NAALAD2: variants seen among roughly 807,000 people sequenced by gnomAD.
NAALAD2 encodes N-acetylated-alpha-linked acidic dipeptidase 2.
A neutral mutation model predicts 95.6 loss-of-function variants in NAALAD2; 89 were observed. The ratio of observed to expected loss-of-function variants is 0.93; its 90% CI spans 0.78 to 1.11. The LOEUF is 1.11. NAALAD2 is among the 50% of genes least tolerant of loss of function. The probability of loss-of-function intolerance (pLI) is 0.00; values close to 1 mark genes in which losing one functional copy is unlikely to be tolerated. For missense variants in NAALAD2, 894 were observed against 872.4 expected (o/e 1.02, Z -0.31); for synonymous variants, 264 against 294.4 (o/e 0.90, Z 1.06).
At chr11:90,174,000 C>G (rs1213368427) in intron 14 of NAALAD2, 85 bp downstream of exon 14, 3 of 917,776 alleles carry the variant, frequency 3.3e-6, no homozygotes, top group Non-Finnish European at 5.2e-6. Flanking sequence ...ATGAAATTCT[C>G]AAGCGTCTCA....
intron 5 of NAALAD2, among the ~76,000 whole-genome samples, chr11:90,151,879 G>A (rs939526894): frequency 6.6e-5 from 10 of 152,240 alleles, no homozygotes; most frequent in Non-Finnish European, 8.8e-5. Flanking sequence ...ACTCTATGAT[G>A]TGCGAGATTT....
chr11:90,178,367 T>C (rs1478872511), intron 16 of NAALAD2, among the ~76,000 whole-genome samples: 1 of 152,220 alleles, frequency 6.6e-6, no homozygotes, highest in Non-Finnish European at 1.5e-5. Flanking sequence ...TCTTGTATTA[T>C]GGCCTTTAAA....
chr11:90,150,492 T>C lies in NAALAD2; in HGVS notation c.494T>C (p.Val165Ala). The change falls in exon 5 of 19, where the codon GTA becomes GCA. Residue 165 changes from valine to alanine, a missense_variant. Transcript: ENST00000534061. Reference sequence around the variant, plus strand: ...TTCTTTTCCCTATAGGGAGATCTTGTATATGTGAACTATGCTCGCACTGAA... The same window carrying C: ...TTCTTTTCCCTATAGGGAGATCTTGCATATGTGAACTATGCTCGCACTGAA... ...SAQGMPEGDL[V>A]YVNYARTEDF... 1.9e-6 allele frequency: 3 copies of C among 1,604,320 alleles called. No individual in the cohort carries two copies. Among genetic ancestry groups the C allele is most frequent in the Non-Finnish European group, 2.6e-6 (3 of 1,173,380 alleles).
chr11:90,153,681 A>C (rs1441213368), intron 6 of NAALAD2, among the ~76,000 whole-genome samples: 1 of 152,098 alleles, frequency 6.6e-6, no homozygotes, highest in Non-Finnish European at 1.5e-5. Context: ...AACAATATTG[A>C]ATTTTCTGAT....
chr11:90,139,631 A>G (rs960657376), intron 2 of NAALAD2, among the ~76,000 whole-genome samples: 2 of 152,168 alleles, frequency 1.3e-5, no homozygotes, highest in African/African-American at 2.4e-5. Flanking sequence ...TTTTGCAGGC[A>G]TACTATTCTC....
chr11:90,166,322 A>T (rs1018461700), intron 11 of NAALAD2, among the ~76,000 whole-genome samples: 159 of 151,800 alleles, frequency 1.0e-3, no homozygotes, highest in African/African-American at 3.7e-3. Context: ...TATGTGTATG[A>T]GAGAGAGAGA....
intron 18 of NAALAD2, among the ~76,000 whole-genome samples, chr11:90,183,699 A>T (rs1857034396): frequency 6.6e-6 from 1 of 152,170 alleles, no homozygotes; most frequent in Admixed American, 6.5e-5. Context: ...TACATGAGAT[A>T]TTCAACACTT....
intron 13 of NAALAD2, 80 bp from the exon 14 acceptor site, chr11:90,173,744 A>G: frequency 2.2e-6 from 2 of 929,164 alleles, no homozygotes; most frequent in Non-Finnish European, 3.3e-6. Context: ...GAAGTTGATG[A>G]CAAATAATAT....
intron 11 of NAALAD2, among the ~76,000 whole-genome samples, chr11:90,166,082 C>T (rs1952434032): frequency 6.6e-6 from 1 of 152,174 alleles, no homozygotes; most frequent in South Asian, 2.1e-4. Flanking sequence ...TTATATTTCT[C>T]TGTAATGGAG....
chr11:90,183,480 T>C (rs1172762442), intron 18 of NAALAD2, among the ~76,000 whole-genome samples: 3 of 152,212 alleles, frequency 2.0e-5, no homozygotes, highest in Non-Finnish European at 4.4e-5. Flanking sequence ...TATTTTTCTC[T>C]TTGAGTTTGT....
intron 2 of NAALAD2, among the ~76,000 whole-genome samples, chr11:90,137,904 C>T (rs1590952215): frequency 6.6e-6 from 1 of 152,026 alleles, no homozygotes; most frequent in Non-Finnish European, 1.5e-5. Flanking sequence ...CACCCTCCCA[C>T]AGTGCTAGGA....
At chr11:90,150,435 T>C (rs1224101836) in intron 4 of NAALAD2, 47 bp from the exon 5 acceptor site, 2 of 1,303,884 alleles carry the variant, frequency 1.5e-6, no homozygotes, top group East Asian at 2.5e-5. Flanking sequence ...TTGTTTTTTT[T>C]TTTCTTTAAT....
chr11:90,185,876 T>C, intron 18 of NAALAD2, among the ~76,000 whole-genome samples: 1 of 110,862 alleles, frequency 9.0e-6, no homozygotes, highest in Admixed American at 8.2e-5. Flanking sequence ...TTTTTTTTTA[T>C]ATACATTTAA....
chr11:90,148,119 G>A (rs559140400), intron 3 of NAALAD2, among the ~76,000 whole-genome samples: 6 of 152,274 alleles, frequency 3.9e-5, no homozygotes, highest in African/African-American at 1.4e-4. Flanking sequence ...GGGAGCCAAT[G>A]ACAAGTCCTG....
Position 90,156,924 on chromosome 11 carries a change from T to G in NAALAD2, c.797-1221T>G, listed in dbSNP as rs141265750. Among the ~76,000 whole-genome samples, 1,173 of 152,324 alleles carry G rather than the reference T, an allele frequency of 7.7e-3. 6 individuals carry two copies. Among genetic ancestry groups the G allele is most frequent in the Middle Eastern group, 0.014 (4 of 294 alleles). On this transcript the variant is annotated intron_variant, in intron 6 of 18. Coordinates refer to ENST00000534061, the MANE Select transcript of NAALAD2 (RefSeq NM_005467.4). Reference sequence around the variant, plus strand: ...TTAAAATATTTGAGGATGTTCTAGGTATCTTTCTAATATTGATTTCTAATT... The same window carrying G: ...TTAAAATATTTGAGGATGTTCTAGGGATCTTTCTAATATTGATTTCTAATT...
At chr11:90,166,293 C>G (rs78484145) in intron 11 of NAALAD2, among the ~76,000 whole-genome samples, 4,001 of 151,846 alleles carry the variant, frequency 0.026, 192 homozygotes, top group African/African-American at 0.092. Context: ...TAATCTGTGT[C>G]TGTGTGTGTG....
At chr11:90,135,826 C>T (rs528602996) in intron 2 of NAALAD2, among the ~76,000 whole-genome samples, 156 bp downstream of exon 2, 7 of 150,830 alleles carry the variant, frequency 4.6e-5, no homozygotes, top group Non-Finnish European at 8.8e-5. Context: ...TCTCTTTACA[C>T]CAGTCTTGGG....
At chr11:90,184,174 A>G (rs1384183466) in intron 18 of NAALAD2, among the ~76,000 whole-genome samples, 1 of 152,192 alleles carries the variant, frequency 6.6e-6, no homozygotes, top group African/African-American at 2.4e-5. Context: ...TCATCAAATA[A>G]TATGCAAAAA....
chr11:90,179,279 C>G (rs1324133368), intron 16 of NAALAD2, among the ~76,000 whole-genome samples: 1 of 151,996 alleles, frequency 6.6e-6, no homozygotes, highest in African/African-American at 2.4e-5. Flanking sequence ...CTACTGTGTA[C>G]CAAGTACTAT....
Sources: gnomAD v4.1 joint callset for allele counts (sites outside exome capture counted in the v4.1 genomes callset) on GRCh38, gnomAD v4.1.1 for gene constraint, MANE v1.5 for transcripts, NCBI Gene and HGNC (gene_info 2026-07-23, HGNC 2026-07-21) for gene names.